BDH1: variants seen among roughly 807,000 people sequenced by gnomAD.
BDH1 encodes D-beta-hydroxybutyrate dehydrogenase, mitochondrial.
Under a neutral mutation model 33.1 loss-of-function variants are expected in BDH1, and 30 were observed. The ratio of observed to expected loss-of-function variants is 0.91; its 90% CI spans 0.68 to 1.23. The LOEUF is 1.23. BDH1 is among the 50% of genes most tolerant of loss of function. The probability of loss-of-function intolerance (pLI) is 0.00; values close to 1 mark genes in which losing one functional copy is unlikely to be tolerated. For missense variants in BDH1, 443 were observed against 464.4 expected (o/e 0.95, Z 0.42); for synonymous variants, 190 against 183.6 (o/e 1.03, Z -0.28).
intron 3 of BDH1, among the ~76,000 whole-genome samples, chr3:197,545,191 G>A (rs1230151256): frequency 6.6e-6 from 1 of 151,848 alleles, no homozygotes; most frequent in Non-Finnish European, 1.5e-5. Flanking sequence ...TTTTTTCCTT[G>A]CTCAGACTGC....
At chr3:197,570,785 C>T (rs1717581233) in intron 1 of BDH1, among the ~76,000 whole-genome samples, 1 of 152,242 alleles carries the variant, frequency 6.6e-6, no homozygotes, top group South Asian at 2.1e-4. Flanking sequence ...AGAACCTCTG[C>T]TAGGGCAGTG....
rs1400269236 is a variant in BDH1, at chr3:197,517,229, CCA to C, written c.410-2815_410-2814del. 2.5e-3 allele frequency among the ~76,000 whole-genome samples: 367 copies of C among 149,016 alleles called. 4 individuals are homozygous for C. The highest frequency in any genetic ancestry group is 8.0e-3 in the African/African-American group (318 of 39,692). On this transcript the variant is annotated intron_variant, in intron 6 of 7. Coordinates refer to ENST00000392379, the MANE Select transcript of BDH1 (RefSeq NM_203314.3). ...TCAGTCACTTCCTGCTCTATGGTCT[CCA>C]TCCCCCCTCAGGCCGACCCCCGCAT...
chr3:197,540,579 G>A (rs1030974984), intron 3 of BDH1, among the ~76,000 whole-genome samples: 1 of 152,068 alleles, frequency 6.6e-6, no homozygotes, highest in Non-Finnish European at 1.5e-5. Context: ...TGAGGCAGGA[G>A]AATCATTTGA....
At chr3:197,515,890 A>T in intron 6 of BDH1, 1 of 159,040 alleles carries the variant, frequency 6.3e-6, no homozygotes, top group Non-Finnish European at 1.3e-5. Context: ...GTGACAGAGC[A>T]CGCACACACA....
intron 1 of BDH1, among the ~76,000 whole-genome samples, chr3:197,561,220 C>T (rs1717248705): frequency 6.6e-6 from 1 of 152,156 alleles, no homozygotes; most frequent in Non-Finnish European, 1.5e-5. Context: ...GCAGCATGAG[C>T]TAACCTTACG....
chr3:197,513,320 G>C lies in BDH1; in HGVS notation c.562+944C>G, dbSNP rs13089414. Among the ~76,000 whole-genome samples, 417 of 133,052 alleles carry C rather than the reference G, an allele frequency of 3.1e-3. 3 individuals are homozygous for C. Among genetic ancestry groups the C allele is most frequent in the African/African-American group, 0.011 (368 of 34,582 alleles). 87.3% of individuals were successfully genotyped at this position (133,052 alleles called of 152,430 possible). A position where few individuals can be genotyped will look rare whatever the true frequency, so the allele number is the denominator to read the frequency against. ...AACTCAGCCCATCCAGGTGTGTCCC[G>C]GGGAGGGCACTCAGCCCATCCAGGT... is the stretch of plus-strand genomic sequence containing the variant. On this transcript the variant is annotated intron_variant, in intron 7 of 7. Coordinates refer to ENST00000392379, the MANE Select transcript of BDH1 (RefSeq NM_203314.3).
chr3:197,556,143 C>A (rs549906492), upstream of BDH1: 6 of 152,324 alleles, frequency 3.9e-5, no homozygotes, highest in South Asian at 1.2e-3. Context: ...GGCGCCAGAT[C>A]CCCCGCCGCC....
In BDH1 at chr3:197,514,863, C is replaced by T. The variant is rs1414095246; in HGVS notation, c.410-447G>A. On this transcript the variant is annotated intron_variant, in intron 6 of 7. Transcript: ENST00000392379. This position sits in a 1 kb window ranked among gnomAD's most constrained non-coding sequence, Gnocchi z 4.2. ...TTCTCTTGCCAGAAGCCAGGGAAATCACAGGGGAGGTGGGCACGAGGAGGC... is the reference window on the plus strand; with the variant it reads ...TTCTCTTGCCAGAAGCCAGGGAAATTACAGGGGAGGTGGGCACGAGGAGGC... Among the ~76,000 whole-genome samples the T allele has an allele frequency of 6.6e-6, 1 of 152,216 alleles. No individual in the cohort carries two copies. The highest frequency in any genetic ancestry group is 1.9e-4 in the East Asian group (1 of 5,184).
At chr3:197,569,523 G>A (rs1717537639) in intron 1 of BDH1, among the ~76,000 whole-genome samples, 1 of 152,144 alleles carries the variant, frequency 6.6e-6, no homozygotes, top group Non-Finnish European at 1.5e-5. Flanking sequence ...ATGTGTTGTG[G>A]GAGGGACCTG....
At chr3:197,533,643 T>C (rs1205519196) in intron 3 of BDH1, 82 bp from the exon 4 acceptor site, 1 of 1,382,722 alleles carries the variant, frequency 7.2e-7, no homozygotes, top group Non-Finnish European at 1.0e-6. Context: ...GCACTGGGTG[T>C]CTCTCCAGCC....
rs1382077513 is a variant in BDH1 at position 197,516,515 on chromosome 3, G to A, written c.410-2099C>T. Among the ~76,000 whole-genome samples the A allele has an allele frequency of 6.6e-6, 1 of 152,030 alleles. No homozygotes were observed. The highest frequency in any genetic ancestry group is 1.9e-4 in the East Asian group (1 of 5,196). Reference sequence around the variant, plus strand: ...ATAAACTCACGGAGGCATGCCCGCTGGTTGGGTGACAGCAACTTTCCTGTA... The same window carrying A: ...ATAAACTCACGGAGGCATGCCCGCTAGTTGGGTGACAGCAACTTTCCTGTA... On this transcript the variant is annotated intron_variant, in intron 6 of 7. Coordinates refer to ENST00000392379, the MANE Select transcript of BDH1 (RefSeq NM_203314.3). The surrounding 1 kb of genome is among the most constrained non-coding windows in gnomAD (Gnocchi z 4.2).
rs1295336284 is a variant in BDH1, at chr3:197,520,603, C to T, written c.409+2037G>A. On this transcript the variant is annotated intron_variant, in intron 6 of 7. Transcript: ENST00000392379. This position sits in a 1 kb window ranked among gnomAD's most constrained non-coding sequence, Gnocchi z 6.0. ...GGCCTGGTGCGTTCTCTGCTTGGGT[C>T]TCCGGTGATGACGCCTTTCCACGGG... 6.6e-6 allele frequency among the ~76,000 whole-genome samples: 1 copy of T among 152,134 alleles called. No individual in the cohort carries two copies.
intron 3 of BDH1, among the ~76,000 whole-genome samples, chr3:197,545,473 C>CCCAAACTGAGAGACAT (rs1490910786): frequency 1.3e-5 from 2 of 152,236 alleles, no homozygotes; most frequent in African/African-American, 4.8e-5. Context: ...GCCACACAAA[C>CCCAAACTGAGAGACAT]CCAAACTGAG....
chr3:197,538,340 T>G (rs1211582035), intron 3 of BDH1: 1 of 455,920 alleles, frequency 2.2e-6, no homozygotes, highest in Non-Finnish European at 4.4e-6. Flanking sequence ...ATTCAAATTT[T>G]GTTTTTTGTT....
intron 3 of BDH1, among the ~76,000 whole-genome samples, chr3:197,541,997 C>T (rs534985889): frequency 1.3e-5 from 2 of 152,298 alleles, no homozygotes; most frequent in African/African-American, 4.8e-5. Flanking sequence ...GACAGCAGTG[C>T]GCCCAACGCT....
intron 6 of BDH1, among the ~76,000 whole-genome samples, chr3:197,519,988 G>C (rs551347366): frequency 7.9e-5 from 12 of 152,232 alleles, no homozygotes; most frequent in African/African-American, 2.9e-4. Context: ...GTGCCCCCCC[G>C]GTGGAGAAGG....
intron 5 of BDH1, among the ~76,000 whole-genome samples, chr3:197,524,937 G>A (rs189692891): frequency 1.2e-4 from 18 of 152,274 alleles, no homozygotes; most frequent in African/African-American, 1.7e-4. Context: ...GGCGTGGCCC[G>A]CTAAGTCTCT....
chr3:197,524,341 A>G (rs767753177), intron 5 of BDH1, among the ~76,000 whole-genome samples: 12 of 152,240 alleles, frequency 7.9e-5, no homozygotes, highest in Non-Finnish European at 1.6e-4. Flanking sequence ...AGGCGCGGGC[A>G]AGGGTGGAAA....
intron 6 of BDH1, among the ~76,000 whole-genome samples, chr3:197,519,152 G>C (rs1713248503): frequency 2.0e-5 from 3 of 151,864 alleles, no homozygotes; most frequent in Admixed American, 2.0e-4. Flanking sequence ...CAGCATGGTA[G>C]GCCAGGCCTT....
Sources: allele counts gnomAD v4.1 joint callset (sites outside exome capture counted in the v4.1 genomes callset), GRCh38; gene constraint gnomAD v4.1.1; non-coding constraint Gnocchi (gnomAD v3.1); transcripts MANE v1.5; gene names NCBI Gene and HGNC (gene_info 2026-07-23, HGNC 2026-07-21).